Variants in KSR2 observed in about 807,000 individuals in gnomAD.
The protein encoded by KSR2 is kinase suppressor of ras 2.
A neutral mutation model predicts 107.8 loss-of-function variants in KSR2; 25 were observed. That is an observed-to-expected ratio of 0.23 (90% CI 0.17 to 0.32). The LOEUF is 0.32. KSR2 is among the 10% of genes least tolerant of loss of function. The probability of loss-of-function intolerance (pLI) is 1.00; values close to 1 mark genes in which losing one functional copy is unlikely to be tolerated. For missense variants in KSR2, 887 were observed against 1,268.9 expected, an observed-to-expected ratio of 0.70 and a Z score of 4.57; for synonymous variants, 480 against 507.0, an observed-to-expected ratio of 0.95 and a Z score of 0.71.
intron 4 of KSR2, among the ~76,000 whole-genome samples, chr12:117,692,607 G>A (rs1258241722): frequency 1.3e-5 from 2 of 150,806 alleles, no homozygotes; most frequent in Non-Finnish European, 3.0e-5. Flanking sequence ...GTACACCTAT[G>A]TTCATAGCAG....
At chr12:117,583,688 G>T (rs971890430) in intron 5 of KSR2, among the ~76,000 whole-genome samples, 1 of 152,058 alleles carries the variant, frequency 6.6e-6, no homozygotes, top group Non-Finnish European at 1.5e-5. Context: ...TCCCACCTCC[G>T]CCCTACTGCC....
intron 5 of KSR2, among the ~76,000 whole-genome samples, chr12:117,591,267 G>A (rs1880296632): frequency 6.6e-6 from 1 of 152,122 alleles, no homozygotes; most frequent in Non-Finnish European, 1.5e-5. Context: ...TCCTCTCACT[G>A]CTTCTGTCTG....
At chr12:117,659,942 TGGGCCCACATCTCCACGCA>T (rs1343233640) in intron 5 of KSR2, among the ~76,000 whole-genome samples, 1 of 152,220 alleles carries the variant, frequency 6.6e-6, no homozygotes, top group African/African-American at 2.4e-5. Flanking sequence ...AGCACAGTGC[TGGGCCCACATCTCCACGCA>T]GCCACACCTG....
intron 5 of KSR2, among the ~76,000 whole-genome samples, chr12:117,595,351 C>CTTTTTTTTTT (rs71099060): frequency 7.4e-5 from 7 of 94,584 alleles, no homozygotes; most frequent in African/African-American, 2.1e-4. Flanking sequence ...AGATCAAATT[C>CTTTTTTTTTT]TTTTTTTTTT....
chr12:117,827,090 T>A (rs1046444567), intron 3 of KSR2, among the ~76,000 whole-genome samples: 1 of 149,998 alleles, frequency 6.7e-6, no homozygotes, highest in Non-Finnish European at 1.5e-5. Flanking sequence ...CTTTTATAGA[T>A]GTGTTCTTGG....
At chr12:117,757,036 C>CA (rs1453663428) in intron 4 of KSR2, among the ~76,000 whole-genome samples, 82 of 139,942 alleles carry the variant, frequency 5.9e-4, no homozygotes, top group African/African-American at 2.1e-3. Flanking sequence ...GCCTGGGTGA[C>CA]AGAGTGAGAC....
chr12:117,582,852 T>C (rs1183844474), intron 5 of KSR2, among the ~76,000 whole-genome samples: 1 of 152,142 alleles, frequency 6.6e-6, no homozygotes, highest in Non-Finnish European at 1.5e-5. Flanking sequence ...TGCATGAAAG[T>C]TAGAGTGCAG....
At chr12:117,879,269 T>C (rs1368795419) in intron 1 of KSR2, among the ~76,000 whole-genome samples, 1 of 152,242 alleles carries the variant, frequency 6.6e-6, no homozygotes, top group Non-Finnish European at 1.5e-5. Flanking sequence ...TTTAATGTTA[T>C]ATAATTTAGC....
chr12:117,793,335 A>G (rs1322403975), intron 3 of KSR2, among the ~76,000 whole-genome samples: 1 of 138,092 alleles, frequency 7.2e-6, no homozygotes, highest in Non-Finnish European at 1.5e-5. Context: ...ACATGCACAC[A>G]TACACACCAG....
chr12:117,714,154 C>T (rs888250625), intron 4 of KSR2, among the ~76,000 whole-genome samples: 1 of 152,006 alleles, frequency 6.6e-6, no homozygotes, highest in Admixed American at 6.6e-5. Context: ...GAGGATGAGC[C>T]GATTTAAGGT....
intron 5 of KSR2, among the ~76,000 whole-genome samples, chr12:117,628,579 T>C (rs1006941026): frequency 3.3e-5 from 5 of 152,162 alleles, no homozygotes; most frequent in African/African-American, 1.2e-4. Context: ...GGAAGCTTCG[T>C]CCCAGAGGGG....
At chr12:117,632,083 G>T (rs1051541440) in intron 5 of KSR2, among the ~76,000 whole-genome samples, 1 of 152,060 alleles carries the variant, frequency 6.6e-6, no homozygotes, top group African/African-American at 2.4e-5. Flanking sequence ...ATTATTAATA[G>T]GAGAGGCTAG....
At chr12:117,505,739 G>C (rs1032933822) in intron 14 of KSR2, among the ~76,000 whole-genome samples, 1 of 152,144 alleles carries the variant, frequency 6.6e-6, no homozygotes, top group Non-Finnish European at 1.5e-5. Context: ...CAACTCAATT[G>C]AGCTATTTGA....
intron 1 of KSR2, among the ~76,000 whole-genome samples, chr12:117,898,872 A>T (rs1049467770): frequency 3.9e-5 from 6 of 152,190 alleles, no homozygotes; most frequent in Non-Finnish European, 7.3e-5. Context: ...GAGATCTAAA[A>T]ATCAAAATAA....
intron 4 of KSR2, among the ~76,000 whole-genome samples, chr12:117,691,561 T>G (rs543543581): frequency 6.6e-6 from 1 of 152,156 alleles, no homozygotes; most frequent in Admixed American, 6.5e-5. Context: ...GGCTGCCCAC[T>G]GAAGGCCATG....
At chr12:117,902,709 G>A (rs1039475385) in intron 1 of KSR2, among the ~76,000 whole-genome samples, 10 of 151,894 alleles carry the variant, frequency 6.6e-5, no homozygotes, top group African/African-American at 9.7e-5. Context: ...AAACCGTCAC[G>A]TTCTGCACAT....
In KSR2 at chr12:117,968,855, C is replaced by T; in HGVS notation, c.-600G>A. 1 of 217,942 alleles carries T rather than the reference C, an allele frequency of 4.6e-6. No individual in the cohort carries two copies. The highest frequency in any genetic ancestry group is 9.3e-6 in the Non-Finnish European group (1 of 107,968). The allele number at this position is 217,942 out of a possible 1,614,324, so 13.5% of individuals were successfully genotyped here. A position where few individuals can be genotyped will look rare whatever the true frequency, so the allele number is the denominator to read the frequency against. On this transcript the variant is annotated 5_prime_UTR_variant, in exon 1 of 20. Transcript: ENST00000339824. ...GCTGTCTGCATTGCTCCCGCGGCTG[C>T]GGCGGCTACTGCGGCTGGCTGCTGT...
At chr12:117,478,086 G>T (rs1871904412) in intron 16 of KSR2, among the ~76,000 whole-genome samples, 1 of 152,080 alleles carries the variant, frequency 6.6e-6, no homozygotes, top group African/African-American at 2.4e-5. Context: ...AGCGGGAGAG[G>T]GGGTGCATAT....
At chr12:117,958,138 T>A (rs1896568555) in intron 1 of KSR2, among the ~76,000 whole-genome samples, 1 of 152,142 alleles carries the variant, frequency 6.6e-6, no homozygotes, top group Non-Finnish European at 1.5e-5. Context: ...CAGCTGAGGT[T>A]GACCACTTTG....
Sources: allele counts gnomAD v4.1 joint callset (sites outside exome capture counted in the v4.1 genomes callset), GRCh38; gene constraint gnomAD v4.1.1; transcripts MANE v1.5; gene names NCBI Gene and HGNC (gene_info 2026-07-23, HGNC 2026-07-21).